The following RAB1A variants were observed in gnomAD, a reference collection of about 807,000 sequenced individuals.
The protein encoded by RAB1A is RAB1A, member RAS oncogene family.
Under a neutral mutation model 26.0 loss-of-function variants are expected in RAB1A, and 2 were observed. That is an observed-to-expected ratio of 0.08 (90% CI 0.03 to 0.24). The LOEUF (loss-of-function observed/expected upper bound fraction) is 0.24, where lower values mean the gene tolerates loss of function less well. Ranked by LOEUF, RAB1A falls within the 10% of genes least tolerant of loss-of-function variation. The probability of loss-of-function intolerance (pLI) is 1.00; values close to 1 mark genes in which losing one functional copy is unlikely to be tolerated. For synonymous variants in RAB1A, 84 were observed against 84.9 expected, an observed-to-expected ratio of 0.99 and a Z score of 0.06; for missense variants, 100 against 247.0, an observed-to-expected ratio of 0.40 and a Z score of 3.99.
rs1201745425 is a variant in RAB1A at position 65,103,299 on chromosome 2, C to CAAAAAAAAAAAAAAAAAAAAAAAAAAAA, written c.96+1434_96+1435insTTTTTTTTTTTTTTTTTTTTTTTTTTTT. Among the ~76,000 whole-genome samples the CAAAAAAAAAAAAAAAAAAAAAAAAAAAA allele has an allele frequency of 7.3e-4, 32 of 44,106 alleles. 1 individual carries two copies. Among genetic ancestry groups the CAAAAAAAAAAAAAAAAAAAAAAAAAAAA allele is most frequent in the Non-Finnish European group, 1.1e-3 (25 of 21,892 alleles). 28.9% of individuals were successfully genotyped at this position (44,106 alleles called of 152,430 possible). A position where few individuals can be genotyped will look rare whatever the true frequency, so the allele number is the denominator to read the frequency against. On this transcript the variant is annotated intron_variant, in intron 2 of 5. Transcript: ENST00000409784. ...TTGGCAACACAGCCAGAATCTGTCTCAAAAAAAAAAAAAAACATTGTTTTA... is the reference window on the plus strand; with the variant it reads ...TTGGCAACACAGCCAGAATCTGTCTCAAAAAAAAAAAAAAAAAAAAAAAAAAAAAAAAAAAAAAAAAAACATTGTTTTA...
At chr2:65,115,853 G>A (rs890611363) in intron 1 of RAB1A, among the ~76,000 whole-genome samples, 10 of 152,146 alleles carry the variant, frequency 6.6e-5, no homozygotes, top group Non-Finnish European at 2.9e-5. Context: ...GTTTAGAACA[G>A]TATTCTAAAA....
At chr2:65,090,918 C>G (rs34134287) in intron 4 of RAB1A, 65 bp downstream of exon 4, 23,834 of 1,102,502 alleles carry the variant, frequency 0.022, 320 homozygotes, top group Non-Finnish European at 0.026. Context: ...GTAAATGAAT[C>G]TGACATTAAT....
In RAB1A at chr2:65,129,940, A is replaced by G. The variant is rs749697757; in HGVS notation, c.-25T>C. The G allele has an allele frequency of 5.1e-6, 8 of 1,577,440 alleles. No homozygotes were observed. Among genetic ancestry groups the G allele is most frequent in the African/African-American group, 2.8e-5 (2 of 72,168 alleles). On this transcript the variant is annotated 5_prime_UTR_variant, in exon 1 of 6. Coordinates refer to ENST00000409784, the MANE Select transcript of RAB1A (RefSeq NM_004161.5). ...TGTCACTGCAGCTGCCGCCGCCGCC[A>G]CCGCCGCCCTTGCTGCCGCAGCCGC...
At chr2:65,092,794 T>A (rs1456487056) in intron 3 of RAB1A, among the ~76,000 whole-genome samples, 1 of 152,182 alleles carries the variant, frequency 6.6e-6, no homozygotes, top group Non-Finnish European at 1.5e-5. Flanking sequence ...CACCCAAATC[T>A]CATCTCAAGT....
chr2:65,114,854 A>T (rs1558585073), intron 1 of RAB1A, among the ~76,000 whole-genome samples: 1 of 68,812 alleles, frequency 1.5e-5, no homozygotes, highest in African/African-American at 3.7e-5. Flanking sequence ...TCCGTCTCAA[A>T]AAAAAAAAAC....
chr2:65,093,341 T>G (rs182415987), intron 3 of RAB1A, among the ~76,000 whole-genome samples: 1 of 152,196 alleles, frequency 6.6e-6, no homozygotes, highest in Non-Finnish European at 1.5e-5. Context: ...TGGTGTAATG[T>G]AGACATTTTC....
intron 1 of RAB1A, among the ~76,000 whole-genome samples, chr2:65,115,948 G>C (rs1272142149): frequency 1.2e-4 from 18 of 152,086 alleles, no homozygotes; most frequent in Non-Finnish European, 2.6e-4. Context: ...TTGAGGCCAA[G>C]AGTTCAAAAC....
intron 1 of RAB1A, among the ~76,000 whole-genome samples, chr2:65,129,556 C>A (rs187375109): frequency 1.3e-5 from 2 of 151,616 alleles, no homozygotes; most frequent in East Asian, 3.9e-4. Flanking sequence ...AGAGACAAGT[C>A]CTCCTTCAAA....
intron 1 of RAB1A, chr2:65,114,005 T>C (rs146990056): frequency 2.1e-5 from 5 of 237,376 alleles, no homozygotes; most frequent in African/African-American, 1.1e-4. Context: ...CCCTTACAAA[T>C]ATGTTCAGCA....
chr2:65,121,907 C>T (rs1669971243), intron 1 of RAB1A, among the ~76,000 whole-genome samples: 1 of 152,018 alleles, frequency 6.6e-6, no homozygotes, highest in Non-Finnish European at 1.5e-5. Flanking sequence ...GCCTGTAATC[C>T]TAGCACTTTG....
At chr2:65,111,410 G>T (rs1056599138) in intron 1 of RAB1A, among the ~76,000 whole-genome samples, 8 of 151,230 alleles carry the variant, frequency 5.3e-5, no homozygotes, top group Middle Eastern at 3.4e-3. Context: ...ACAGACAACT[G>T]ACGGACATTC....
At chr2:65,129,756 C>T (rs1369855135) in intron 1 of RAB1A, 137 bp downstream of exon 1, 3 of 1,395,238 alleles carry the variant, frequency 2.2e-6, no homozygotes, top group African/African-American at 1.4e-5. Flanking sequence ...CGACTCCCGG[C>T]CGCCAGCCTC....
intron 2 of RAB1A, among the ~76,000 whole-genome samples, chr2:65,103,469 G>C (rs60318458): frequency 0.047 from 7,095 of 152,192 alleles, 169 homozygotes; most frequent in Middle Eastern, 0.075. Context: ...TGAGGGCACA[G>C]AGGTAAAGAA....
chr2:65,110,032 T>C (rs1398946301), intron 1 of RAB1A, among the ~76,000 whole-genome samples: 1 of 152,222 alleles, frequency 6.6e-6, no homozygotes, highest in South Asian at 2.1e-4. Context: ...TTTACATTTT[T>C]AATCAGGCCT....
intron 1 of RAB1A, among the ~76,000 whole-genome samples, chr2:65,109,547 A>C (rs1242063489): frequency 6.6e-6 from 1 of 151,714 alleles, no homozygotes; most frequent in African/African-American, 2.4e-5. Flanking sequence ...CTACTAAAAA[A>C]AAAAATACAA....
At chr2:65,109,730 G>T (rs1443242005) in intron 1 of RAB1A, among the ~76,000 whole-genome samples, 1 of 151,142 alleles carries the variant, frequency 6.6e-6, no homozygotes, top group Non-Finnish European at 1.5e-5. Flanking sequence ...AAAGAGAAAG[G>T]AAAAAAAAGA....
chr2:65,113,330 G>C (rs1284952027), intron 1 of RAB1A, among the ~76,000 whole-genome samples: 1 of 152,056 alleles, frequency 6.6e-6, no homozygotes, highest in Non-Finnish European at 1.5e-5. Context: ...TTGTATGCAA[G>C]CACTACCATT....
At chr2:65,106,999 C>A (rs1015638853) in intron 1 of RAB1A, among the ~76,000 whole-genome samples, 1 of 152,098 alleles carries the variant, frequency 6.6e-6, no homozygotes, top group Non-Finnish European at 1.5e-5. Context: ...GTGATCCACC[C>A]GCCTTGGCCT....
At chr2:65,116,192 A>C (rs1669822011) in intron 1 of RAB1A, among the ~76,000 whole-genome samples, 1 of 152,132 alleles carries the variant, frequency 6.6e-6, no homozygotes, top group African/African-American at 2.4e-5. Flanking sequence ...TAAAAATAAA[A>C]ATTCAAAGCT....
Sources: allele counts gnomAD v4.1 joint callset (sites outside exome capture counted in the v4.1 genomes callset), GRCh38; gene constraint gnomAD v4.1.1; transcripts MANE v1.5; gene names NCBI Gene and HGNC (gene_info 2026-07-23, HGNC 2026-07-21).